The following PACRG variants were observed in gnomAD, a reference collection of about 807,000 sequenced individuals.
PACRG encodes the protein parkin coregulated gene protein.
PACRG carries 29 observed loss-of-function variants against 29.7 expected under a neutral mutation model. The observed-to-expected ratio is 0.98, with a 90% confidence interval of 0.73 to 1.33. The LOEUF (loss-of-function observed/expected upper bound fraction) is 1.33. Ranked by LOEUF, PACRG falls within the 40% of genes most tolerant of loss-of-function variation. The probability of loss-of-function intolerance (pLI) is 0.00; values close to 1 mark genes in which losing one functional copy is unlikely to be tolerated. For synonymous variants in PACRG, 116 were observed against 118.7 expected, an observed-to-expected ratio of 0.98 and a Z score of 0.15; for missense variants, 279 against 316.2, an observed-to-expected ratio of 0.88 and a Z score of 0.89.
intron 2 of PACRG, among the ~76,000 whole-genome samples, chr6:162,913,481 A>C (rs1270418271): frequency 6.6e-6 from 1 of 152,170 alleles, no homozygotes; most frequent in Non-Finnish European, 1.5e-5. Flanking sequence ...AGCTGTTTCC[A>C]GTTTCAGGGA....
intron 2 of PACRG, among the ~76,000 whole-genome samples, chr6:162,924,877 G>A (rs2128098784): frequency 6.6e-6 from 1 of 152,124 alleles, no homozygotes; most frequent in East Asian, 1.9e-4. Flanking sequence ...CAATCCAGGA[G>A]CTGGGTTTTT....
chr6:162,913,634 C>G (rs1052532018), intron 2 of PACRG, among the ~76,000 whole-genome samples: 2 of 152,076 alleles, frequency 1.3e-5, no homozygotes, highest in Non-Finnish European at 2.9e-5. Flanking sequence ...AAGACATTGT[C>G]AAGTAAATTT....
intron 2 of PACRG, among the ~76,000 whole-genome samples, chr6:163,038,819 T>C (rs1808434738): frequency 6.6e-6 from 1 of 152,184 alleles, no homozygotes; most frequent in Non-Finnish European, 1.5e-5. Context: ...CTCTCTGAGC[T>C]GGGTGCAAAG....
intron 2 of PACRG, among the ~76,000 whole-genome samples, chr6:162,959,209 G>A (rs1447525289): frequency 4.6e-5 from 7 of 151,706 alleles, no homozygotes; most frequent in African/African-American, 7.3e-5. Context: ...GTTAGCCACC[G>A]TGCCTGGCCA....
intron 4 of PACRG, among the ~76,000 whole-genome samples, chr6:163,221,725 A>C (rs1781587334): frequency 6.6e-6 from 1 of 152,216 alleles, no homozygotes. Flanking sequence ...TACTGAACTG[A>C]CCAAAGCACT....
At chr6:163,285,995 G>C (rs1039502155) in intron 4 of PACRG, among the ~76,000 whole-genome samples, 4 of 152,156 alleles carry the variant, frequency 2.6e-5, no homozygotes, top group African/African-American at 9.7e-5. Flanking sequence ...TGGTTCTGTC[G>C]TGTAAATCAC....
chr6:162,996,412 A>G (rs1453677786), intron 2 of PACRG, among the ~76,000 whole-genome samples: 1 of 152,176 alleles, frequency 6.6e-6, no homozygotes, highest in Non-Finnish European at 1.5e-5. Context: ...CACATCCTTC[A>G]AATCAAATAT....
chr6:162,801,085 C>T (rs1221171337), intron 1 of PACRG, among the ~76,000 whole-genome samples: 9 of 152,156 alleles, frequency 5.9e-5, no homozygotes, highest in Admixed American at 5.9e-4. Flanking sequence ...GCTGTAGTAC[C>T]AAACTGTGCT....
At chr6:163,172,393 A>G (rs1006393338) in intron 4 of PACRG, among the ~76,000 whole-genome samples, 1 of 152,186 alleles carries the variant, frequency 6.6e-6, no homozygotes, top group Non-Finnish European at 1.5e-5. Context: ...CAGAAAGTAT[A>G]TTTTGCTTAA....
chr6:163,175,044 A>G (rs1275462317), intron 4 of PACRG, among the ~76,000 whole-genome samples: 3 of 152,208 alleles, frequency 2.0e-5, no homozygotes, highest in African/African-American at 4.8e-5. Context: ...TCTACTTTGT[A>G]TGATTACAAA....
intron 4 of PACRG, among the ~76,000 whole-genome samples, chr6:163,214,310 T>C (rs902632761): frequency 3.9e-5 from 6 of 152,156 alleles, no homozygotes; most frequent in Admixed American, 3.9e-4. Flanking sequence ...TTTATTATCT[T>C]ACTGGGGAGT....
At chr6:163,167,368 G>T (rs1778861694) in intron 4 of PACRG, among the ~76,000 whole-genome samples, 1 of 152,148 alleles carries the variant, frequency 6.6e-6, no homozygotes, top group African/African-American at 2.4e-5. Flanking sequence ...GCATCAGAGG[G>T]TCGCAGCTTA....
chr6:163,261,231 G>A (rs1475532358), intron 4 of PACRG, among the ~76,000 whole-genome samples: 1 of 151,958 alleles, frequency 6.6e-6, no homozygotes, highest in Non-Finnish European at 1.5e-5. Context: ...GGCAGGCACT[G>A]GATTTTCTTT....
At chr6:162,937,828 AG>A in intron 2 of PACRG, among the ~76,000 whole-genome samples, 2 of 152,310 alleles carry the variant, frequency 1.3e-5, no homozygotes, top group South Asian at 4.1e-4. Flanking sequence ...TGAAAATTTG[AG>A]AAAAGTATAA....
chr6:163,151,045 T>C (rs1778066542), intron 4 of PACRG, among the ~76,000 whole-genome samples: 1 of 152,182 alleles, frequency 6.6e-6, no homozygotes, highest in Non-Finnish European at 1.5e-5. Context: ...AAGTAAACAA[T>C]GGATGGATTT....
At chr6:163,066,259 A>C (rs1811533701) in intron 3 of PACRG, among the ~76,000 whole-genome samples, 1 of 152,232 alleles carries the variant, frequency 6.6e-6, no homozygotes, top group Non-Finnish European at 1.5e-5. Flanking sequence ...TCCAGACAAC[A>C]GAGCACCTTT....
chr6:163,089,175 C>T, intron 3 of PACRG, 84 bp from the exon 4 acceptor site: 1 of 1,431,798 alleles, frequency 7.0e-7, no homozygotes, highest in Non-Finnish European at 9.5e-7. Context: ...TTAAATGCAA[C>T]CACAAGACAA....
intron 2 of PACRG, among the ~76,000 whole-genome samples, chr6:163,014,111 G>T (rs1194171012): frequency 6.6e-6 from 1 of 152,128 alleles, no homozygotes; most frequent in African/African-American, 2.4e-5. Flanking sequence ...GCAGTGTTTA[G>T]TTTTCTGTTT....
At chr6:163,212,811 G>A (rs148438362) in intron 4 of PACRG, among the ~76,000 whole-genome samples, 2,089 of 148,596 alleles carry the variant, frequency 0.014, 51 homozygotes, top group African/African-American at 0.049. Context: ...ACGGAGTCTC[G>A]CTCATCGCCC....
Sources: allele counts gnomAD v4.1 joint callset (sites outside exome capture counted in the v4.1 genomes callset), GRCh38; gene constraint gnomAD v4.1.1; transcripts MANE v1.5; gene names NCBI Gene and HGNC (gene_info 2026-07-23, HGNC 2026-07-21).